The following ADAM12 variants were observed in gnomAD, a reference collection of about 807,000 sequenced individuals.
ADAM12 encodes the protein ADAM metallopeptidase domain 12.
A neutral mutation model predicts 106.4 loss-of-function variants in ADAM12; 70 were observed. The observed-to-expected ratio is 0.66, with a 90% confidence interval of 0.54 to 0.80. ADAM12 has a LOEUF of 0.80. Among genes scored for constraint, ADAM12 ranks in the 30% least tolerant of loss-of-function variants. The pLI is 0.00. For missense variants in ADAM12, 1,010 were observed against 1,171.9 expected (o/e 0.86, Z 2.02); for synonymous variants, 420 against 433.5 (o/e 0.97, Z 0.39).
At chr10:126,233,250 A>G (rs1478269767) in intron 3 of ADAM12, among the ~76,000 whole-genome samples, 1 of 152,178 alleles carries the variant, frequency 6.6e-6, no homozygotes, top group African/African-American at 2.4e-5. Flanking sequence ...GCAGTCTGGA[A>G]GAGGTGGGAG....
intron 1 of ADAM12, among the ~76,000 whole-genome samples, chr10:126,358,818 CAAAA>C (rs1366105654): frequency 6.6e-6 from 1 of 151,866 alleles, no homozygotes; most frequent in Admixed American, 6.5e-5. Flanking sequence ...ACAAAATAAA[CAAAA>C]AAATCAGTAG....
chr10:126,188,818 C>A (rs1020028577), intron 3 of ADAM12, among the ~76,000 whole-genome samples: 2 of 152,070 alleles, frequency 1.3e-5, no homozygotes, highest in Non-Finnish European at 2.9e-5. Flanking sequence ...CCCATCAAGC[C>A]ATTTATCATC....
intron 3 of ADAM12, among the ~76,000 whole-genome samples, chr10:126,186,565 G>A (rs2133793786): frequency 6.6e-6 from 1 of 152,266 alleles, no homozygotes; most frequent in Non-Finnish European, 1.5e-5. Context: ...CTAGGGACAT[G>A]GGGATGAATG....
At chr10:126,028,252 C>T (rs1953913127) in intron 21 of ADAM12, among the ~76,000 whole-genome samples, 1 of 151,838 alleles carries the variant, frequency 6.6e-6, no homozygotes, top group Non-Finnish European at 1.5e-5. Flanking sequence ...CCATACTGCC[C>T]AAATAGAATC....
chr10:126,208,509 G>A (rs1219758505), intron 3 of ADAM12, among the ~76,000 whole-genome samples: 3 of 152,136 alleles, frequency 2.0e-5, no homozygotes, highest in African/African-American at 7.2e-5. Context: ...GGGAGGCACA[G>A]GATAAGCACA....
chr10:126,090,789 T>C (rs939566482), intron 11 of ADAM12: 2 of 152,194 alleles, frequency 1.3e-5, no homozygotes, highest in South Asian at 2.1e-4. Context: ...GTGACAGCAA[T>C]TGGTTAATGT....
chr10:126,155,101 G>A (rs1256640927), intron 4 of ADAM12, 126 bp downstream of exon 4: 16 of 1,013,526 alleles, frequency 1.6e-5, no homozygotes, highest in Non-Finnish European at 4.5e-6. Flanking sequence ...GGACACACCA[G>A]CGCTTCTTGG....
rs547959465 is a variant in ADAM12 at position 126,105,527 on chromosome 10, C to T, written c.741+3066G>A. On this transcript the variant is annotated intron_variant, in intron 8 of 22. Coordinates refer to ENST00000448723, the MANE Select transcript of ADAM12 (RefSeq NM_001288973.2). Reference sequence around the variant, plus strand: ...AAGCCTTCCGCCCTCTAGGCCAGTGCGTCTCAGTCCCACTTCATGTTAGGA... The same window carrying T: ...AAGCCTTCCGCCCTCTAGGCCAGTGTGTCTCAGTCCCACTTCATGTTAGGA... 5.3e-5 allele frequency among the ~76,000 whole-genome samples: 8 copies of T among 152,318 alleles called. No individual in the cohort carries two copies. In the South Asian group the frequency reaches 1.7e-3, roughly 32 times the overall value.
intron 1 of ADAM12, among the ~76,000 whole-genome samples, chr10:126,356,674 A>C (rs969712450): frequency 1.3e-5 from 2 of 152,268 alleles, no homozygotes; most frequent in Non-Finnish European, 2.9e-5. Context: ...GTGATAAAGA[A>C]TTCAGAATAA....
At chr10:126,027,112 A>G (rs2133383528) in intron 21 of ADAM12, among the ~76,000 whole-genome samples, 1 of 152,336 alleles carries the variant, frequency 6.6e-6, no homozygotes, top group African/African-American at 2.4e-5. Context: ...AGAATACTAT[A>G]AACACCTCTA....
chr10:126,342,970 G>A (rs1211050284), intron 1 of ADAM12, among the ~76,000 whole-genome samples: 1 of 152,180 alleles, frequency 6.6e-6, no homozygotes, highest in Non-Finnish European at 1.5e-5. Context: ...GTCCTGAAAT[G>A]TGACTGGTTT....
chr10:126,208,200 T>C (rs1224543177), intron 3 of ADAM12, among the ~76,000 whole-genome samples: 2 of 152,210 alleles, frequency 1.3e-5, no homozygotes, highest in Non-Finnish European at 2.9e-5. Flanking sequence ...TGGTTCTTAA[T>C]GGAGCGTAGG....
intron 21 of ADAM12, among the ~76,000 whole-genome samples, chr10:126,029,722 C>CAAAG (rs1177545990): frequency 6.6e-6 from 1 of 152,090 alleles, no homozygotes; most frequent in Non-Finnish European, 1.5e-5. Context: ...TTAAAAATGG[C>CAAAG]AAAGATGAAA....
At chr10:126,267,507 G>C (rs1057309615) in intron 3 of ADAM12, among the ~76,000 whole-genome samples, 4 of 152,072 alleles carry the variant, frequency 2.6e-5, no homozygotes, top group Non-Finnish European at 5.9e-5. Flanking sequence ...CAGATCATCA[G>C]GCATTAGATT....
intron 22 of ADAM12, 106 bp downstream of exon 22, chr10:126,019,589 G>A (rs1442344402): frequency 1.4e-6 from 2 of 1,409,274 alleles, no homozygotes; most frequent in African/African-American, 2.9e-5. Context: ...GGGGGAGCAG[G>A]AAGCACGGCC....
chr10:126,236,667 C>T (rs1046133037), intron 3 of ADAM12, among the ~76,000 whole-genome samples: 1 of 150,874 alleles, frequency 6.6e-6, no homozygotes, highest in African/African-American at 2.4e-5. Flanking sequence ...AAGGAGCACT[C>T]ATAGGAAGGA....
At chr10:126,203,380 A>T (rs996489737) in intron 3 of ADAM12, among the ~76,000 whole-genome samples, 7 of 152,260 alleles carry the variant, frequency 4.6e-5, no homozygotes, top group Non-Finnish European at 1.0e-4. Context: ...ATCATATTTA[A>T]GGTAAATATT....
intron 3 of ADAM12, among the ~76,000 whole-genome samples, chr10:126,251,405 C>A (rs55985831): frequency 6.9e-6 from 1 of 144,196 alleles, no homozygotes; most frequent in African/African-American, 2.7e-5. Context: ...CCCAAGGTCA[C>A]TGTCTTGGTC....
chr10:126,281,929 G>A (rs542500163), intron 2 of ADAM12, among the ~76,000 whole-genome samples: 1 of 152,242 alleles, frequency 6.6e-6, no homozygotes, highest in African/African-American at 2.4e-5. Flanking sequence ...GAAAAACAAC[G>A]ATTAAAATAA....
Sources: gnomAD v4.1 joint callset for allele counts (sites outside exome capture counted in the v4.1 genomes callset) on GRCh38, gnomAD v4.1.1 for gene constraint, MANE v1.5 for transcripts, NCBI Gene and HGNC (gene_info 2026-07-23, HGNC 2026-07-21) for gene names.